Variants in KSR2 observed in about 807,000 individuals in gnomAD.
KSR2 encodes the protein kinase suppressor of ras 2.
Under a neutral mutation model 107.8 loss-of-function variants are expected in KSR2, and 25 were observed. That is an observed-to-expected ratio of 0.23 (90% CI 0.17 to 0.32). KSR2 has a LOEUF of 0.32. Ranked by LOEUF, KSR2 falls within the 10% of genes least tolerant of loss-of-function variation. KSR2 has a pLI of 1.00. For missense variants in KSR2, 887 were observed against 1,268.9 expected (o/e 0.70, Z 4.57); for synonymous variants, 480 against 507.0 (o/e 0.95, Z 0.71).
At chr12:117,800,862 G>C (rs940320754) in intron 3 of KSR2, among the ~76,000 whole-genome samples, 1 of 151,660 alleles carries the variant, frequency 6.6e-6, no homozygotes, top group Non-Finnish European at 1.5e-5. Context: ...TTGGTTTTCT[G>C]TTCCTGTGTT....
intron 5 of KSR2, among the ~76,000 whole-genome samples, chr12:117,663,441 A>G (rs1884522185): frequency 6.6e-6 from 1 of 152,222 alleles, no homozygotes; most frequent in Non-Finnish European, 1.5e-5. Flanking sequence ...TTGTCAACAC[A>G]ATACATGCCG....
At chr12:117,777,126 T>G (rs1442890144) in intron 3 of KSR2, among the ~76,000 whole-genome samples, 1 of 112,808 alleles carries the variant, frequency 8.9e-6, no homozygotes, top group South Asian at 2.9e-4. Context: ...ACACCATATA[T>G]ATATACACTA....
chr12:117,694,100 G>A (rs566520718), intron 4 of KSR2, among the ~76,000 whole-genome samples: 6 of 152,294 alleles, frequency 3.9e-5, no homozygotes, highest in East Asian at 1.9e-4. Flanking sequence ...TGGCTAGTGC[G>A]AATGTGAAGT....
At chr12:117,885,940 C>T (rs1355440590) in intron 1 of KSR2, among the ~76,000 whole-genome samples, 2 of 151,468 alleles carry the variant, frequency 1.3e-5, no homozygotes, top group Non-Finnish European at 2.9e-5. Context: ...CTAAAAATAC[C>T]AAAAAAATTA....
At chr12:117,547,609 G>A (rs1377294824) in intron 9 of KSR2, among the ~76,000 whole-genome samples, 7 of 152,122 alleles carry the variant, frequency 4.6e-5, no homozygotes, top group African/African-American at 1.4e-4. Context: ...GGTAGGTAGG[G>A]CAACAGATTT....
rs998121033 is a variant in KSR2 at position 117,555,150 on chromosome 12, A to C, written c.1518+19T>G. 12 of 1,613,446 alleles carry C rather than the reference A, an allele frequency of 7.4e-6. No individual in the cohort carries two copies. In the Admixed American group the frequency reaches 1.3e-4, roughly 18 times the overall value. ...GTGCCAGCCCCACATGCCGAGACCCAGGGGAAGCCCAGCCTTACCTTGTTG... is the reference window on the plus strand; with the variant it reads ...GTGCCAGCCCCACATGCCGAGACCCCGGGGAAGCCCAGCCTTACCTTGTTG... On this transcript the variant is annotated intron_variant, in intron 9 of 19. Transcript: ENST00000339824.
chr12:117,830,968 T>C lies in KSR2; in HGVS notation c.472+24460A>G, dbSNP rs535909986. Among the ~76,000 whole-genome samples, 19 of 152,248 alleles carry C rather than the reference T, an allele frequency of 1.2e-4. No individual in the cohort carries two copies. The South Asian group carries it at 3.7e-3, about 30-fold the overall frequency. ...CTCCAAGGAAATTTAATTAAATAAA[T>C]AGATTTCTTGGCTGTGAGAGAAAAG... On this transcript the variant is annotated intron_variant, in intron 3 of 19. Coordinates refer to ENST00000339824, the MANE Select transcript of KSR2 (RefSeq NM_173598.6).
At chr12:117,839,534 T>C (rs998781260) in intron 3 of KSR2, among the ~76,000 whole-genome samples, 3 of 152,234 alleles carry the variant, frequency 2.0e-5, no homozygotes, top group African/African-American at 7.2e-5. Context: ...ACTCAGTATG[T>C]TTTTAATATT....
chr12:117,527,389 T>C (rs1025382287), intron 12 of KSR2, among the ~76,000 whole-genome samples: 2 of 151,700 alleles, frequency 1.3e-5, no homozygotes, highest in Non-Finnish European at 2.9e-5. Flanking sequence ...AAGGACCTTG[T>C]TTTAAGTTGA....
intron 5 of KSR2, among the ~76,000 whole-genome samples, chr12:117,584,247 TC>T (rs1240071204): frequency 2.6e-5 from 4 of 152,172 alleles, no homozygotes; most frequent in Non-Finnish European, 4.4e-5. Flanking sequence ...TGTTTCGATT[TC>T]TGAGGGAAAT....
chr12:117,561,867 A>G (rs1878143354), intron 7 of KSR2, among the ~76,000 whole-genome samples: 1 of 152,190 alleles, frequency 6.6e-6, no homozygotes, highest in South Asian at 2.1e-4. Flanking sequence ...CCTGATGCAG[A>G]GCTCTGCTAA....
At chr12:117,856,488 T>C (rs1893106020) in intron 2 of KSR2, among the ~76,000 whole-genome samples, 1 of 152,188 alleles carries the variant, frequency 6.6e-6, no homozygotes, top group Non-Finnish European at 1.5e-5. Context: ...TATTTGTTTG[T>C]TTGTTTTGAG....
intron 3 of KSR2, among the ~76,000 whole-genome samples, chr12:117,767,491 G>T (rs551220914): frequency 6.6e-6 from 1 of 151,604 alleles, no homozygotes; most frequent in Non-Finnish European, 1.5e-5. Context: ...AGGCTCTGGG[G>T]AAGATGATTG....
chr12:117,752,523 T>TA (rs1888647501), intron 4 of KSR2, among the ~76,000 whole-genome samples: 1 of 152,214 alleles, frequency 6.6e-6, no homozygotes, highest in African/African-American at 2.4e-5. Flanking sequence ...CAAACATGAA[T>TA]AAATGCACAC....
At chr12:117,690,923 G>A (rs1885786287) in intron 4 of KSR2, among the ~76,000 whole-genome samples, 1 of 152,172 alleles carries the variant, frequency 6.6e-6, no homozygotes, top group Admixed American at 6.5e-5. Context: ...TGGTCCTGCA[G>A]GTTCTCAGAT....
intron 3 of KSR2, among the ~76,000 whole-genome samples, chr12:117,804,314 A>G (rs1225021642): frequency 6.6e-6 from 1 of 152,212 alleles, no homozygotes; most frequent in East Asian, 1.9e-4. Flanking sequence ...AAGTGCTGGG[A>G]TTACAGGCGT....
intron 5 of KSR2, among the ~76,000 whole-genome samples, chr12:117,637,596 A>G (rs1469706559): frequency 1.3e-5 from 2 of 151,748 alleles, no homozygotes; most frequent in Non-Finnish European, 2.9e-5. Flanking sequence ...GGGCACTTGA[A>G]TCAATGACTA....
chr12:117,638,679 G>A (rs1406883318), intron 5 of KSR2, among the ~76,000 whole-genome samples: 1 of 152,164 alleles, frequency 6.6e-6, no homozygotes, highest in East Asian at 1.9e-4. Flanking sequence ...TGCTATCTCT[G>A]TGAGGAAAGG....
intron 7 of KSR2, among the ~76,000 whole-genome samples, chr12:117,568,074 C>T (rs187387901): frequency 1.3e-3 from 195 of 152,312 alleles, no homozygotes; most frequent in African/African-American, 4.5e-3. Context: ...AATCAGACCT[C>T]GGGTTCCAAG....
Sources: allele counts gnomAD v4.1 joint callset (sites outside exome capture counted in the v4.1 genomes callset), GRCh38; gene constraint gnomAD v4.1.1; transcripts MANE v1.5; gene names NCBI Gene and HGNC (gene_info 2026-07-23, HGNC 2026-07-21).